The following SGCD variants were observed in gnomAD, a reference collection of about 807,000 sequenced individuals.
SGCD encodes delta-sarcoglycan.
In SGCD, 18 loss-of-function variants were observed where a neutral mutation model predicts 36.6. The observed-to-expected ratio is 0.49, with a 90% confidence interval of 0.34 to 0.73. The LOEUF (loss-of-function observed/expected upper bound fraction) is 0.73. SGCD is among the 30% of genes least tolerant of loss of function. The pLI, the probability that SGCD is intolerant of heterozygous loss-of-function variation, is 0.01. For missense variants in SGCD, 387 were observed against 346.7 expected, an observed-to-expected ratio of 1.12 and a Z score of -0.92; for synonymous variants, 133 against 130.6, an observed-to-expected ratio of 1.02 and a Z score of -0.12.
chr5:156,380,181 C>T (rs1770901044), intron 3 of SGCD, among the ~76,000 whole-genome samples: 1 of 151,974 alleles, frequency 6.6e-6, no homozygotes, highest in African/African-American at 2.4e-5. Context: ...ATTATTTTTC[C>T]AGGCTCTTTT....
At chr5:156,195,279 G>A (rs1463145322) in intron 3 of SGCD, among the ~76,000 whole-genome samples, 3 of 152,168 alleles carry the variant, frequency 2.0e-5, no homozygotes, top group South Asian at 2.1e-4. Flanking sequence ...CATATGCTTC[G>A]CATTAATCAT....
chr5:156,230,750 T>A (rs1302525777), intron 3 of SGCD, among the ~76,000 whole-genome samples: 1 of 152,212 alleles, frequency 6.6e-6, no homozygotes, highest in Non-Finnish European at 1.5e-5. Flanking sequence ...TTCCCGTCCA[T>A]CATGATCCAC....
chr5:156,386,660 C>T (rs1771290671), intron 3 of SGCD, among the ~76,000 whole-genome samples: 1 of 152,228 alleles, frequency 6.6e-6, no homozygotes, highest in Non-Finnish European at 1.5e-5. Context: ...AGTACAAAGC[C>T]TCATACAGAT....
At chr5:156,530,649 G>A (rs781699428) in intron 4 of SGCD, among the ~76,000 whole-genome samples, 2 of 149,436 alleles carry the variant, frequency 1.3e-5, no homozygotes, top group Admixed American at 6.7e-5. Context: ...GTGCAATCTC[G>A]GCTCACTGCA....
At chr5:156,470,354 T>G (rs986209871) in intron 3 of SGCD, among the ~76,000 whole-genome samples, 4 of 152,324 alleles carry the variant, frequency 2.6e-5, no homozygotes, top group Non-Finnish European at 5.9e-5. Flanking sequence ...TTGAGTTTTT[T>G]TTTTATACTT....
At chr5:156,667,650 C>T (rs745473376) in intron 7 of SGCD, among the ~76,000 whole-genome samples, 4 of 152,200 alleles carry the variant, frequency 2.6e-5, no homozygotes, top group African/African-American at 4.8e-5. Flanking sequence ...CTGAAGGCAT[C>T]CTGCCCTGGG....
chr5:156,185,753 C>T (rs1355521927), intron 3 of SGCD, among the ~76,000 whole-genome samples: 1 of 150,114 alleles, frequency 6.7e-6, no homozygotes, highest in African/African-American at 2.5e-5. Flanking sequence ...CAACAAATGT[C>T]ACTTCTGTTG....
At chr5:156,746,559 T>A (rs1756945565) in intron 7 of SGCD, among the ~76,000 whole-genome samples, 1 of 151,652 alleles carries the variant, frequency 6.6e-6, no homozygotes, top group Non-Finnish European at 1.5e-5. Flanking sequence ...CACCAGAGAG[T>A]TTAGAAATAG....
the SGCD span, among the ~76,000 whole-genome samples, chr5:155,799,643 G>A: frequency 6.6e-6 from 1 of 151,468 alleles, no homozygotes; most frequent in East Asian, 2.0e-4. Flanking sequence ...TGGTCTGCTC[G>A]CCTCGGCCTC....
At chr5:156,305,315 T>C (rs1767174667) in intron 3 of SGCD, among the ~76,000 whole-genome samples, 1 of 152,102 alleles carries the variant, frequency 6.6e-6, no homozygotes. Flanking sequence ...GTGTCCTGCA[T>C]CCCAGTCACT....
chr5:156,658,744 G>A (rs1391463759), intron 7 of SGCD, among the ~76,000 whole-genome samples: 4 of 17,010 alleles, frequency 2.4e-4, no homozygotes, highest in Admixed American at 8.2e-4. Context: ...CTGTCTCTTC[G>A]GAGCTGTTGG....
the SGCD span, among the ~76,000 whole-genome samples, chr5:155,792,559 GA>G: frequency 1.3e-3 from 193 of 145,986 alleles, 2 homozygotes; most frequent in South Asian, 0.011. Flanking sequence ...AAATGAGCAA[GA>G]AAAAAAAAAT....
intron 6 of SGCD, among the ~76,000 whole-genome samples, chr5:156,612,047 A>G (rs1761834499): frequency 6.6e-6 from 1 of 152,156 alleles, no homozygotes; most frequent in Non-Finnish European, 1.5e-5. Flanking sequence ...ATGATTTTGA[A>G]TTCCTTTTCA....
At chr5:156,046,565 T>A (rs1351298095) in intron 1 of SGCD, among the ~76,000 whole-genome samples, 1 of 152,180 alleles carries the variant, frequency 6.6e-6, no homozygotes, top group Non-Finnish European at 1.5e-5. Context: ...ATTTTACCTG[T>A]TATGGCAATT....
At chr5:156,116,722 G>A (rs1199582366) in intron 1 of SGCD, among the ~76,000 whole-genome samples, 1 of 152,052 alleles carries the variant, frequency 6.6e-6, no homozygotes, top group Non-Finnish European at 1.5e-5. Flanking sequence ...TTAACACTCC[G>A]AGCCTTCCCA....
Position 156,508,178 on chromosome 5 carries a change from C to T in SGCD, c.193-423C>T, listed in dbSNP as rs193049196. Among the ~76,000 whole-genome samples, 7 of 152,300 alleles carry T rather than the reference C, an allele frequency of 4.6e-5. No individual in the cohort carries two copies. In the East Asian group the frequency reaches 9.6e-4, roughly 21 times the overall value. On this transcript the variant is annotated intron_variant, in intron 3 of 8. Coordinates refer to ENST00000337851, the MANE Select transcript of SGCD (RefSeq NM_000337.6). ...ACATGTTTTGTGACTCAAACACACA[C>T]GTCCAAAGTCTGGATTTAACCAACA... is the stretch of plus-strand genomic sequence containing the variant.
rs548688549 is a variant in SGCD, at chr5:156,354,532, A to G, written c.192+9855A>G. 5.9e-5 allele frequency among the ~76,000 whole-genome samples: 9 copies of G among 152,306 alleles called. No individual in the cohort carries two copies. In the South Asian group the frequency reaches 8.3e-4, roughly 14 times the overall value. On this transcript the variant is annotated intron_variant, in intron 3 of 8. Transcript: ENST00000337851. ...TCCTATTATTTGGACAATATTCGTG[A>G]CCTTTTCCACTTACGAGAGTTTTCA...
rs1390030857 is a variant in SGCD at position 156,763,114 on chromosome 5, T to G, written c.*3724T>G. 1 of 152,650 alleles carries G rather than the reference T, an allele frequency of 6.6e-6. No individual in the cohort carries two copies. Among genetic ancestry groups the G allele is most frequent in the Non-Finnish European group, 1.5e-5 (1 of 68,060 alleles). 9.5% of individuals were successfully genotyped at this position (152,650 alleles called of 1,614,324 possible). A position where few individuals can be genotyped will look rare whatever the true frequency, so the allele number is the denominator to read the frequency against. On this transcript the variant is annotated 3_prime_UTR_variant, in exon 9 of 9. Coordinates refer to ENST00000337851, the MANE Select transcript of SGCD (RefSeq NM_000337.6). ...AGTTATGATCCTCCAAGACCCTTAA[T>G]TGATAGACCATACCAGGTTCTGCAG...
the SGCD span, among the ~76,000 whole-genome samples, chr5:155,796,604 G>A: frequency 6.6e-6 from 1 of 151,816 alleles, no homozygotes; most frequent in African/African-American, 2.4e-5. Context: ...GGGAGTTTGA[G>A]ACCAGCCTGA....
Sources: allele counts gnomAD v4.1 joint callset (sites outside exome capture counted in the v4.1 genomes callset), GRCh38; gene constraint gnomAD v4.1.1; transcripts MANE v1.5; gene names NCBI Gene and HGNC (gene_info 2026-07-23, HGNC 2026-07-21).